Variants in YARS1 observed in about 807,000 individuals in gnomAD.
YARS1 encodes the protein tyrosine--tRNA ligase, cytoplasmic.
YARS1 carries 36 observed loss-of-function variants against 62.2 expected under a neutral mutation model. The observed-to-expected ratio is 0.58, with a 90% CI of 0.44 to 0.76. YARS1 has a LOEUF of 0.76. Ranked by LOEUF, YARS1 falls within the 30% of genes least tolerant of loss-of-function variation. YARS1 has a pLI of 0.00. For missense variants in YARS1, 524 were observed against 639.8 expected (o/e 0.82, Z 1.95); for synonymous variants, 234 against 244.9 (o/e 0.96, Z 0.42).
chr1:32,809,831 C>T (rs1032752795), intron 3 of YARS1, among the ~76,000 whole-genome samples: 3 of 152,116 alleles, frequency 2.0e-5, no homozygotes, highest in Admixed American at 6.5e-5. Context: ...TTAGGCTGGG[C>T]GCAGTGGCTT....
chr1:32,816,340 C>T (rs1230868325), intron 1 of YARS1, among the ~76,000 whole-genome samples: 3 of 152,066 alleles, frequency 2.0e-5, no homozygotes, highest in African/African-American at 4.8e-5. Flanking sequence ...GTGACTTGGT[C>T]CCTGCCTACC....
Position 32,775,699 on chromosome 1 carries a change from T to C in YARS1, c.*282A>G, listed in dbSNP as rs968176690. ...GTGGCATAAATTTTTAAATGAGTTA[T>C]ATTGAAACCAGATTTCTCCAGCTGC... On this transcript the variant is annotated 3_prime_UTR_variant, in exon 13 of 13. Transcript: ENST00000373477. 2 of 512,708 alleles carry C rather than the reference T, an allele frequency of 3.9e-6. No individual in the cohort carries two copies. The highest frequency in any genetic ancestry group is 7.1e-6 in the Non-Finnish European group (2 of 283,502). 31.8% of individuals were successfully genotyped at this position (512,708 alleles called of 1,614,324 possible).
chr1:32,812,766 T>G (rs919226669), intron 1 of YARS1, among the ~76,000 whole-genome samples: 1 of 151,918 alleles, frequency 6.6e-6, no homozygotes, highest in Non-Finnish European at 1.5e-5. Flanking sequence ...AGATCAGGGG[T>G]CGAGACCAGC....
chr1:32,790,082 C>T (rs180743351), intron 6 of YARS1, among the ~76,000 whole-genome samples: 2 of 150,844 alleles, frequency 1.3e-5, no homozygotes, highest in Admixed American at 1.3e-4. Context: ...TGGGGTTTCA[C>T]CATGTTGGAC....
At chr1:32,779,608 CA>C (rs897901906) in intron 11 of YARS1, 85 bp from the exon 12 acceptor site, 27 of 1,578,208 alleles carry the variant, frequency 1.7e-5, no homozygotes, top group Non-Finnish European at 2.3e-5. Context: ...GGCCTTTACA[CA>C]GGGGCCCTGA....
At chr1:32,786,328 C>G (rs1336118538) in intron 8 of YARS1, 34 bp downstream of exon 8, 5 of 1,601,466 alleles carry the variant, frequency 3.1e-6, no homozygotes, top group African/African-American at 1.3e-5. Flanking sequence ...AAATACAGAT[C>G]TTCATGAAAG....
chr1:32,775,545 T>C lies in YARS1; in HGVS notation c.*436A>G, dbSNP rs1324391190. On this transcript the variant is annotated 3_prime_UTR_variant, in exon 13 of 13. Transcript: ENST00000373477. ...TTTTCCCTTCCCTTTCCTTTTCAAATCCCACAGTTTCCTGTTGGGGAGAAG... is the reference window on the plus strand; with the variant it reads ...TTTTCCCTTCCCTTTCCTTTTCAAACCCCACAGTTTCCTGTTGGGGAGAAG... 1 of 177,104 alleles carries C rather than the reference T, an allele frequency of 5.6e-6. No individual in the cohort carries two copies. The highest frequency in any genetic ancestry group is 1.2e-5 in the Non-Finnish European group (1 of 82,144). The allele number at this position is 177,104 out of a possible 1,614,324, so 11.0% of individuals were successfully genotyped here. A position where few individuals can be genotyped will look rare whatever the true frequency, so the allele number is the denominator to read the frequency against.
At chr1:32,797,529 C>T (rs1404840638) in intron 5 of YARS1, 2 of 568,280 alleles carry the variant, frequency 3.5e-6, no homozygotes, top group Non-Finnish European at 6.3e-6. Flanking sequence ...TGGTTGTCAC[C>T]AGGCACATGG....
At chr1:32,787,394 G>A (rs1215330416) in intron 6 of YARS1, among the ~76,000 whole-genome samples, 1 of 152,090 alleles carries the variant, frequency 6.6e-6, no homozygotes, top group African/African-American at 2.4e-5. Context: ...CCCAAAAAGT[G>A]CTGGGATTAA....
chr1:32,784,134 A>T (rs1653145543), intron 8 of YARS1, among the ~76,000 whole-genome samples: 2 of 151,100 alleles, frequency 1.3e-5, no homozygotes, highest in Admixed American at 1.3e-4. Context: ...CCTTCCCAGT[A>T]GCTGCGACTA....
At chr1:32,792,812 G>A (rs758208092) in intron 5 of YARS1, among the ~76,000 whole-genome samples, 5 of 151,886 alleles carry the variant, frequency 3.3e-5, no homozygotes, top group Admixed American at 6.6e-5. Flanking sequence ...CCCAGGAGGC[G>A]GAGCTTGCAG....
At chr1:32,814,316 A>G (rs1409734013) in intron 1 of YARS1, among the ~76,000 whole-genome samples, 2 of 152,086 alleles carry the variant, frequency 1.3e-5, no homozygotes, top group Non-Finnish European at 2.9e-5. Context: ...TCCAGGCCCT[A>G]TCAGATCACA....
chr1:32,780,096 C>T lies in YARS1; in HGVS notation c.1323G>A (p.Leu441=). Reference sequence around the variant, plus strand: ...AAGTCCTCACTCACATAGAAGCACACAGAAGCATGCCTTGGGACTCGACTC... The same window carrying T: ...AAGTCCTCACTCACATAGAAGCACATAGAAGCATGCCTTGGGACTCGACTC... ...MRGVESQGML[L]CASIEGINRQ... is the part of the protein sequence containing the mutation. Residue 441 remains leucine, a synonymous_variant, in exon 11 of 13, where the codon CTG becomes CTA. Coordinates refer to ENST00000373477, the MANE Select transcript of YARS1 (RefSeq NM_003680.4). 1 of 1,614,124 alleles carries T rather than the reference C, an allele frequency of 6.2e-7. No individual in the cohort carries two copies.
At chr1:32,798,981 T>A (rs1014741291) in intron 4 of YARS1, among the ~76,000 whole-genome samples, 2 of 152,150 alleles carry the variant, frequency 1.3e-5, no homozygotes, top group Non-Finnish European at 2.9e-5. Flanking sequence ...TGTAAACAGA[T>A]CATTTCAACT....
intron 8 of YARS1, among the ~76,000 whole-genome samples, chr1:32,785,804 G>A (rs370988030): frequency 1.3e-5 from 2 of 151,724 alleles, no homozygotes; most frequent in South Asian, 4.2e-4. Flanking sequence ...GGCTGGTCTC[G>A]AACTCCTGAC....
At chr1:32,803,841 A>G (rs1392598240) in intron 4 of YARS1, among the ~76,000 whole-genome samples, 1 of 151,880 alleles carries the variant, frequency 6.6e-6, no homozygotes, top group African/African-American at 2.4e-5. Flanking sequence ...CAGCAGATAA[A>G]CATGTGAACA....
chr1:32,806,887 T>C (rs959506664), intron 3 of YARS1, among the ~76,000 whole-genome samples: 1 of 152,118 alleles, frequency 6.6e-6, no homozygotes, highest in Non-Finnish European at 1.5e-5. Context: ...GGTGACAAAA[T>C]TGTCTGTACA....
In YARS1 at chr1:32,797,017, T is replaced by A. The variant is rs1431370284; in HGVS notation, c.591+746A>T. On this transcript the variant is annotated intron_variant, in intron 5 of 12. Transcript: ENST00000373477. ...AAAAATATATATATATATATATATA[T>A]ATATATATATATATATATATATATA... Among the ~76,000 whole-genome samples, 102 of 20,692 alleles carry A rather than the reference T, an allele frequency of 4.9e-3. 7 individuals are homozygous for A. Among genetic ancestry groups the A allele is most frequent in the Admixed American group, 0.017 (20 of 1,162 alleles). The allele number at this position is 20,692 out of a possible 152,430, so 13.6% of individuals were successfully genotyped here. A position where few individuals can be genotyped will look rare whatever the true frequency, so the allele number is the denominator to read the frequency against.
rs1036372676 is a variant in YARS1, at chr1:32,779,975, C to T, written c.1334+110G>A. The T allele has an allele frequency of 9.8e-6, 13 of 1,320,084 alleles. No homozygotes were observed. In the African/African-American group the frequency reaches 1.2e-4, roughly 12 times the overall value. 81.8% of individuals were successfully genotyped at this position (1,320,084 alleles called of 1,614,324 possible). On this transcript the variant is annotated intron_variant, in intron 11 of 12. Transcript: ENST00000373477. ...ACTTTTGGCATCAGCAAGGAAGAGGCACGTGTTCTCAGAGCTTCCACCTGG... is the reference window on the plus strand; with the variant it reads ...ACTTTTGGCATCAGCAAGGAAGAGGTACGTGTTCTCAGAGCTTCCACCTGG...
Sources: allele counts gnomAD v4.1 joint callset (sites outside exome capture counted in the v4.1 genomes callset), GRCh38; gene constraint gnomAD v4.1.1; transcripts MANE v1.5; gene names NCBI Gene and HGNC (gene_info 2026-07-23, HGNC 2026-07-21).